The following LSAMP variants were observed in gnomAD, a reference collection of about 807,000 sequenced individuals.
LSAMP encodes limbic system associated membrane protein, also known as limbic system-associated membrane protein.
LSAMP carries 7 observed loss-of-function variants against 38.6 expected under a neutral mutation model. The observed-to-expected ratio is 0.18, with a 90% CI of 0.10 to 0.34. The LOEUF (loss-of-function observed/expected upper bound fraction) is 0.34, where lower values mean the gene tolerates loss of function less well. Among genes scored for constraint, LSAMP ranks in the 10% least tolerant of loss-of-function variants. The probability of loss-of-function intolerance (pLI) is 1.00; values close to 1 mark genes in which losing one functional copy is unlikely to be tolerated. For missense variants in LSAMP, 313 were observed against 420.0 expected (o/e 0.75, Z 2.23); for synonymous variants, 154 against 166.8 (o/e 0.92, Z 0.59).
chr3:116,382,770 A>G (rs2048578342), intron 1 of LSAMP, among the ~76,000 whole-genome samples: 1 of 152,142 alleles, frequency 6.6e-6, no homozygotes, highest in Non-Finnish European at 1.5e-5. Flanking sequence ...CGAGTTTGTT[A>G]CATGTTACAG....
intron 1 of LSAMP, among the ~76,000 whole-genome samples, chr3:116,437,613 G>A (rs2107883927): frequency 6.6e-6 from 1 of 151,622 alleles, no homozygotes; most frequent in East Asian, 1.9e-4. Context: ...AAGGAGAGAG[G>A]AGAAGGGAGG....
rs186067889 is a variant in LSAMP at position 116,317,370 on chromosome 3, T to G, written c.155+127507A>C. 4.0e-3 allele frequency among the ~76,000 whole-genome samples: 599 copies of G among 151,544 alleles called. 1 individual carries two copies. The highest frequency in any genetic ancestry group is 0.013 in the African/African-American group (519 of 41,468). On this transcript the variant is annotated intron_variant, in intron 1 of 6. Coordinates refer to ENST00000490035, the MANE Select transcript of LSAMP (RefSeq NM_002338.5). ...TCTCTTTCTTTCTTTTTTTTTTTTT[T>G]TTTGAGACGGAGTCTCGCTCTGTCT...
chr3:116,436,406 C>G (rs561860282), intron 1 of LSAMP, among the ~76,000 whole-genome samples: 1 of 152,156 alleles, frequency 6.6e-6, no homozygotes, highest in South Asian at 2.1e-4. Flanking sequence ...GCAGAGCAAA[C>G]AGACAACCCA....
rs1269834246 is a variant in LSAMP at position 115,987,479 on chromosome 3, T to G, written c.514+32036A>C. ...ACAATATTCGTTTAACCTTGTGTTA[T>G]TGAGATTTCAGGAACTACAGTGGCA... On this transcript the variant is annotated intron_variant, in intron 3 of 6. Transcript: ENST00000490035. Among the ~76,000 whole-genome samples the G allele has an allele frequency of 5.3e-5, 8 of 152,198 alleles. No individual in the cohort carries two copies. In the East Asian group the frequency reaches 1.5e-3, roughly 29 times the overall value.
intron 3 of LSAMP, among the ~76,000 whole-genome samples, chr3:115,937,216 G>A (rs1007331950): frequency 3.3e-5 from 5 of 151,826 alleles, no homozygotes; most frequent in East Asian, 1.9e-4. Context: ...CCATTTAATC[G>A]ACCAAACCAT....
intron 3 of LSAMP, among the ~76,000 whole-genome samples, chr3:115,949,461 A>T (rs1420300678): frequency 2.6e-5 from 4 of 151,980 alleles, no homozygotes; most frequent in Non-Finnish European, 5.9e-5. Context: ...ACCTTTATGC[A>T]CACAAACTAG....
At chr3:116,196,402 A>G (rs929126923) in intron 1 of LSAMP, among the ~76,000 whole-genome samples, 9 of 152,184 alleles carry the variant, frequency 5.9e-5, no homozygotes, top group Admixed American at 2.6e-4. Context: ...TTTGACAACA[A>G]TTGATGAGAA....
intron 2 of LSAMP, among the ~76,000 whole-genome samples, chr3:116,063,859 T>A (rs1179880607): frequency 6.6e-6 from 1 of 152,182 alleles, no homozygotes; most frequent in Non-Finnish European, 1.5e-5. Context: ...CCCTATCAAA[T>A]CTATTATGTT....
chr3:116,206,002 G>C (rs1173036094), intron 1 of LSAMP, among the ~76,000 whole-genome samples: 1 of 151,764 alleles, frequency 6.6e-6, no homozygotes, highest in Non-Finnish European at 1.5e-5. Context: ...TTGTACCTCT[G>C]GTAGAATTCG....
intron 1 of LSAMP, among the ~76,000 whole-genome samples, chr3:116,117,160 T>C (rs1442416202): frequency 6.6e-6 from 1 of 152,180 alleles, no homozygotes; most frequent in Non-Finnish European, 1.5e-5. Context: ...AATACTGATA[T>C]GGTAAGATAA....
intron 1 of LSAMP, among the ~76,000 whole-genome samples, chr3:116,155,975 G>T (rs1709738288): frequency 6.6e-6 from 1 of 152,122 alleles, no homozygotes; most frequent in South Asian, 2.1e-4. Context: ...TTCTTCCCTG[G>T]TTGCTTCAGG....
chr3:116,403,062 C>T (rs1383580150), intron 1 of LSAMP, among the ~76,000 whole-genome samples: 3 of 152,062 alleles, frequency 2.0e-5, no homozygotes, highest in East Asian at 3.9e-4. Context: ...GTGATTAGTC[C>T]AGAGAGGTCA....
chr3:116,161,966 G>T lies in LSAMP; in HGVS notation c.156-75410C>A, dbSNP rs373455672. Reference sequence around the variant, plus strand: ...AGGGTGGGGAATAGCGGATTTGAATGCAGAAATGAGAGTACATAATCATGT... The same window carrying T: ...AGGGTGGGGAATAGCGGATTTGAATTCAGAAATGAGAGTACATAATCATGT... On this transcript the variant is annotated intron_variant, in intron 1 of 6. Transcript: ENST00000490035. 3.3e-5 allele frequency among the ~76,000 whole-genome samples: 5 copies of T among 151,870 alleles called. No homozygotes were observed. In the East Asian group the frequency reaches 7.8e-4, roughly 24 times the overall value.
At chr3:116,109,054 T>C (rs1268608178) in intron 1 of LSAMP, among the ~76,000 whole-genome samples, 1 of 152,188 alleles carries the variant, frequency 6.6e-6, no homozygotes, top group Non-Finnish European at 1.5e-5. Flanking sequence ...TTTTGACCTT[T>C]TAGGGTCTAG....
At chr3:116,271,924 G>T (rs992629763) in intron 1 of LSAMP, among the ~76,000 whole-genome samples, 3 of 151,644 alleles carry the variant, frequency 2.0e-5, no homozygotes, top group Non-Finnish European at 4.4e-5. Context: ...TATTTGAAGT[G>T]AATAAAAAAA....
At chr3:116,394,669 C>T (rs1353614355) in intron 1 of LSAMP, among the ~76,000 whole-genome samples, 1 of 150,806 alleles carries the variant, frequency 6.6e-6, no homozygotes, top group Non-Finnish European at 1.5e-5. Context: ...ATCCTTGATG[C>T]TTGATATCAA....
chr3:115,906,672 T>C (rs535943406), intron 3 of LSAMP, among the ~76,000 whole-genome samples: 378 of 152,276 alleles, frequency 2.5e-3, no homozygotes, highest in African/African-American at 8.7e-3. Flanking sequence ...TTTTGTTTGC[T>C]GAAGGCTTTA....
At chr3:116,387,339 T>A (rs1485433929) in intron 1 of LSAMP, among the ~76,000 whole-genome samples, 1 of 152,060 alleles carries the variant, frequency 6.6e-6, no homozygotes, top group Non-Finnish European at 1.5e-5. Flanking sequence ...AAATAAGGAA[T>A]CACTACAATT....
Position 116,272,390 on chromosome 3 carries a change from T to A in LSAMP, c.155+172487A>T. Among the ~76,000 whole-genome samples, 4 of 152,274 alleles carry A rather than the reference T, an allele frequency of 2.6e-5. No homozygotes were observed. The South Asian group carries it at 8.3e-4, about 32-fold the overall frequency. On this transcript the variant is annotated intron_variant, in intron 1 of 6. Coordinates refer to ENST00000490035, the MANE Select transcript of LSAMP (RefSeq NM_002338.5). ...GGCAAGATAAGTTTCATTCATTGTT[T>A]GATAGAAAGGCCATCTTATTGCACT...
Sources: gnomAD v4.1 joint callset for allele counts (sites outside exome capture counted in the v4.1 genomes callset) on GRCh38, gnomAD v4.1.1 for gene constraint, MANE v1.5 for transcripts, NCBI Gene and HGNC (gene_info 2026-07-23, HGNC 2026-07-21) for gene names.